Variants in PNLDC1 observed in about 807,000 individuals in gnomAD.
The protein encoded by PNLDC1 is poly(A)-specific ribonuclease PNLDC1.
Under a neutral mutation model 82.0 loss-of-function variants are expected in PNLDC1, and 70 were observed. The ratio of observed to expected loss-of-function variants is 0.85; its 90% confidence interval spans 0.70 to 1.04. The LOEUF (loss-of-function observed/expected upper bound fraction) is 1.04. PNLDC1 is among the 50% of genes least tolerant of loss of function. The pLI is 0.00. For synonymous variants in PNLDC1, 280 were observed against 249.3 expected (o/e 1.12, Z -1.16); for missense variants, 631 against 661.1 (o/e 0.95, Z 0.50).
In PNLDC1 at chr6:159,819,362, A is replaced by G. The variant is rs1781958121; in HGVS notation, c.1532+10A>G. ...TCAACTGCCTGCTCCAGTAAGTGAC[A>G]GGCTGAGGCCACCTGCCTGTCCTGG... On this transcript the variant is annotated intron_variant, in intron 18 of 18. Coordinates refer to ENST00000392167, the MANE Select transcript of PNLDC1 (RefSeq NM_001271862.2). The surrounding 1 kb of genome is among the most constrained non-coding windows in gnomAD (Gnocchi z 4.6). The G allele has an allele frequency of 1.9e-6, 3 of 1,611,864 alleles. 1 individual carries two copies. The South Asian group carries it at 3.3e-5, about 18-fold the overall frequency.
At chr6:159,806,695 C>T (rs182210076) in intron 7 of PNLDC1, among the ~76,000 whole-genome samples, 41 of 152,278 alleles carry the variant, frequency 2.7e-4, no homozygotes, top group African/African-American at 9.1e-4. Context: ...TTAGTAGCAG[C>T]CTCCTTGATT....
intron 6 of PNLDC1, 88 bp downstream of exon 6, chr6:159,804,725 T>G (rs1781386196): frequency 1.1e-6 from 1 of 940,986 alleles, no homozygotes; most frequent in African/African-American, 1.7e-5. Context: ...TCCAGGAGTG[T>G]GGTGACCTCC....
intron 11 of PNLDC1, 117 bp downstream of exon 11, chr6:159,811,903 T>C (rs921136912): frequency 5.0e-6 from 4 of 798,146 alleles, no homozygotes; most frequent in African/African-American, 3.5e-5. Flanking sequence ...TGTTTTGTTT[T>C]GTTTTGTTTT....
intron 4 of PNLDC1, among the ~76,000 whole-genome samples, chr6:159,803,719 A>T (rs1167134119): frequency 6.6e-6 from 1 of 151,734 alleles, no homozygotes; most frequent in Non-Finnish European, 1.5e-5. Flanking sequence ...GCACGCCCTA[A>T]CCTGGCATCC....
chr6:159,803,563 A>G (rs372699017), intron 4 of PNLDC1, among the ~76,000 whole-genome samples: 58 of 152,252 alleles, frequency 3.8e-4, no homozygotes, highest in African/African-American at 1.4e-3. Context: ...CATTGTCTCC[A>G]GTGTGCACCT....
intron 11 of PNLDC1, among the ~76,000 whole-genome samples, chr6:159,812,296 A>G (rs935922311): frequency 8.5e-5 from 13 of 152,072 alleles, no homozygotes; most frequent in African/African-American, 3.1e-4. Context: ...GCATCATTGT[A>G]TTAGCTTATA....
In PNLDC1 at chr6:159,804,043, T is replaced by A; in HGVS notation, c.327T>A (p.Ala109=). 6.2e-7 allele frequency: 1 copy of A among 1,614,186 alleles called. No homozygotes were observed. Among genetic ancestry groups the A allele is most frequent in the Non-Finnish European group, 8.5e-7 (1 of 1,180,000 alleles). The change falls in exon 5 of 19, where the codon GCT becomes GCA. Residue 109 remains alanine (A), a synonymous_variant. Coordinates refer to ENST00000392167, the MANE Select transcript of PNLDC1 (RefSeq NM_001271862.2). ...TGGACTCAGAATTCTCCTTCCAGGC[T>A]TCCAGTGTTCAGTTTTTGAATCAGT... ...GILDSEFSFQ[A]SSVQFLNQYG...
chr6:159,811,614 C>A, intron 10 of PNLDC1, 87 bp from the exon 11 acceptor site: 1 of 981,236 alleles, frequency 1.0e-6, no homozygotes, highest in Non-Finnish European at 1.6e-6. Flanking sequence ...TTAATCAGTG[C>A]CAGTGGCAAG....
chr6:159,800,851 C>T (rs753664763), intron 2 of PNLDC1, 22 bp downstream of exon 2: 4 of 1,614,020 alleles, frequency 2.5e-6, no homozygotes, highest in East Asian at 2.2e-5. Context: ...GCTGTGTCCC[C>T]TCTGTATAAG....
At chr6:159,807,891 C>T (rs6901045) in intron 7 of PNLDC1, among the ~76,000 whole-genome samples, 118,268 of 151,886 alleles carry the variant, frequency 0.78, 46,323 homozygotes, top group South Asian at 0.85. Flanking sequence ...TCCACCTACA[C>T]ATCTGCTTGA....
intron 3 of PNLDC1, among the ~76,000 whole-genome samples, 153 bp downstream of exon 3, chr6:159,801,339 T>TC (rs2062659197): frequency 1.3e-5 from 2 of 152,234 alleles, no homozygotes; most frequent in South Asian, 4.1e-4. Flanking sequence ...CATATGGAAA[T>TC]CAACACTTCG....
At chr6:159,818,717 G>A in intron 16 of PNLDC1, 63 bp downstream of exon 16, 2 of 1,492,948 alleles carry the variant, frequency 1.3e-6, no homozygotes, top group Middle Eastern at 1.7e-4. Context: ...CTGGGAAGCG[G>A]CCAGTGCTCT....
At chr6:159,799,672 C>T (rs1484812445), upstream of PNLDC1, among the ~76,000 whole-genome samples, 4 of 152,056 alleles carry the variant, frequency 2.6e-5, no homozygotes, top group Admixed American at 6.5e-5. Flanking sequence ...TAGGGATTTC[C>T]GCAAGGAGTG....
chr6:159,801,759 T>C lies in PNLDC1; in HGVS notation c.208+573T>C, dbSNP rs1781265988. Among the ~76,000 whole-genome samples the C allele has an allele frequency of 2.7e-5, 4 of 149,440 alleles. No homozygotes were observed. The Admixed American group carries it at 2.7e-4, about 10-fold the overall frequency. On this transcript the variant is annotated intron_variant, in intron 3 of 18. Transcript: ENST00000392167. The stretch of plus-strand genomic sequence containing the variant: ...CCACACCTGGCCTGTGATTTTTTTT[T>C]CTTAAGAAAATTTACACACAAAAAT...
chr6:159,800,508 G>A, intron 1 of PNLDC1, 125 bp downstream of exon 1: 1 of 1,319,570 alleles, frequency 7.6e-7, no homozygotes. Flanking sequence ...AAGGACAGGG[G>A]GGCTTCCTTC....
chr6:159,814,999 G>T (rs1781766979), intron 12 of PNLDC1, among the ~76,000 whole-genome samples: 1 of 152,194 alleles, frequency 6.6e-6, no homozygotes, highest in East Asian at 1.9e-4. Context: ...GGGTCAGGAG[G>T]CTAAGCACGT....
intron 6 of PNLDC1, 69 bp downstream of exon 6, chr6:159,804,706 C>T (rs1251770269): frequency 2.4e-6 from 3 of 1,226,396 alleles, no homozygotes; most frequent in Non-Finnish European, 2.4e-6. Flanking sequence ...CGTGGGCGGG[C>T]GTGCCGTTTC....
At chr6:159,807,919 C>CTT (rs781388141) in intron 7 of PNLDC1, among the ~76,000 whole-genome samples, 8 of 143,310 alleles carry the variant, frequency 5.6e-5, no homozygotes, top group African/African-American at 1.8e-4. Context: ...TTTTTTTTTT[C>CTT]TTTTTTTTTT....
chr6:159,806,832 A>G (rs1781465189), intron 7 of PNLDC1, among the ~76,000 whole-genome samples: 1 of 151,788 alleles, frequency 6.6e-6, no homozygotes, highest in African/African-American at 2.4e-5. Context: ...GCCAAAATAC[A>G]GTGATTGTGT....
Sources: allele counts gnomAD v4.1 joint callset (sites outside exome capture counted in the v4.1 genomes callset), GRCh38; gene constraint gnomAD v4.1.1; non-coding constraint Gnocchi (gnomAD v3.1); transcripts MANE v1.5; gene names NCBI Gene and HGNC (gene_info 2026-07-23, HGNC 2026-07-21).